The following MCU variants were observed in gnomAD, a reference collection of about 807,000 sequenced individuals.
MCU encodes mitochondrial calcium uniporter.
Under a neutral mutation model 45.2 loss-of-function variants are expected in MCU, and 12 were observed. The ratio of observed to expected loss-of-function variants is 0.27; its 90% CI spans 0.17 to 0.43. The LOEUF is 0.43. MCU is among the 20% of genes least tolerant of loss of function. The pLI, the probability that MCU is intolerant of heterozygous loss-of-function variation, is 1.00. For missense variants in MCU, 324 were observed against 436.7 expected, an observed-to-expected ratio of 0.74 and a Z score of 2.30; for synonymous variants, 160 against 165.1, an observed-to-expected ratio of 0.97 and a Z score of 0.24.
intron 1 of MCU, among the ~76,000 whole-genome samples, chr10:72,742,112 A>G (rs1256734686): frequency 6.6e-6 from 1 of 151,676 alleles, no homozygotes; most frequent in Non-Finnish European, 1.5e-5. Flanking sequence ...ATAGTATCGT[A>G]TACTGTACCT....
chr10:72,847,592 G>A (rs1201687579), intron 2 of MCU, among the ~76,000 whole-genome samples: 1 of 152,138 alleles, frequency 6.6e-6, no homozygotes, highest in Non-Finnish European at 1.5e-5. Flanking sequence ...TATCCTCCAT[G>A]TATAGGAGAT....
chr10:72,840,729 T>C (rs1845035511), intron 2 of MCU, among the ~76,000 whole-genome samples: 1 of 152,198 alleles, frequency 6.6e-6, no homozygotes, highest in South Asian at 2.1e-4. Flanking sequence ...CTCACCAACT[T>C]AAATACAAAG....
intron 1 of MCU, among the ~76,000 whole-genome samples, chr10:72,719,313 AT>A (rs1225294166): frequency 6.6e-6 from 1 of 152,182 alleles, no homozygotes; most frequent in Admixed American, 6.5e-5. Flanking sequence ...TCTTAGTCTT[AT>A]TTGTATTATA....
chr10:72,855,375 C>T (rs1400078524), intron 2 of MCU, among the ~76,000 whole-genome samples: 1 of 151,884 alleles, frequency 6.6e-6, no homozygotes, highest in Admixed American at 6.6e-5. Flanking sequence ...TCCAGGAGTT[C>T]AAGGTCAGCC....
intron 1 of MCU, among the ~76,000 whole-genome samples, chr10:72,764,020 T>A (rs928266690): frequency 2.0e-5 from 3 of 152,216 alleles, no homozygotes; most frequent in Admixed American, 6.5e-5. Flanking sequence ...CCATTTACCA[T>A]CAGTAAATAA....
At chr10:72,834,101 T>C (rs1844919135) in intron 1 of MCU, among the ~76,000 whole-genome samples, 2 of 152,378 alleles carry the variant, frequency 1.3e-5, no homozygotes, top group African/African-American at 4.8e-5. Context: ...TTTTGTTTAA[T>C]GTAACATGTA....
At chr10:72,773,846 A>G (rs1843849417) in intron 1 of MCU, among the ~76,000 whole-genome samples, 1 of 152,214 alleles carries the variant, frequency 6.6e-6, no homozygotes, top group Admixed American at 6.5e-5. Flanking sequence ...CTCAAGGAAA[A>G]AACTGCCACC....
intron 1 of MCU, among the ~76,000 whole-genome samples, chr10:72,727,364 A>T (rs1436335752): frequency 1.3e-5 from 2 of 152,198 alleles, no homozygotes; most frequent in Non-Finnish European, 2.9e-5. Context: ...CTCATCTTGC[A>T]TGTCTGATAA....
chr10:72,726,847 A>T (rs1259166035), intron 1 of MCU, among the ~76,000 whole-genome samples: 1 of 152,154 alleles, frequency 6.6e-6, no homozygotes, highest in African/African-American at 2.4e-5. Flanking sequence ...GTTGTTAGTT[A>T]TAGGATTTTT....
intron 1 of MCU, among the ~76,000 whole-genome samples, chr10:72,733,454 C>T (rs1203614491): frequency 6.6e-6 from 1 of 152,044 alleles, no homozygotes; most frequent in Non-Finnish European, 1.5e-5. Flanking sequence ...GAGAATCTGT[C>T]TCAAAAACAA....
chr10:72,872,937 G>A (rs755522018), intron 6 of MCU, among the ~76,000 whole-genome samples: 20 of 148,452 alleles, frequency 1.3e-4, no homozygotes, highest in Admixed American at 1.3e-3. Context: ...TTTTATTATA[G>A]CCATTTTAAC....
Position 72,702,044 on chromosome 10 carries a change from A to G in MCU, c.150+9743A>G, listed in dbSNP as rs1842764943. ...CACCTGAGGTCAGGAGTTCAGGACC[A>G]GCCTGACCAACATAGTGAAACCCCA... On this transcript the variant is annotated intron_variant, in intron 1 of 7. Transcript: ENST00000373053. 2.6e-5 allele frequency among the ~76,000 whole-genome samples: 4 copies of G among 151,876 alleles called. No individual in the cohort carries two copies. The South Asian group carries it at 8.3e-4, about 32-fold the overall frequency.
chr10:72,762,927 A>C (rs1036848802), intron 1 of MCU, among the ~76,000 whole-genome samples: 1 of 152,116 alleles, frequency 6.6e-6, no homozygotes, highest in Non-Finnish European at 1.5e-5. Flanking sequence ...ACGTGTCTTC[A>C]GGGATGTGTT....
intron 1 of MCU, among the ~76,000 whole-genome samples, chr10:72,696,500 G>C (rs920795923): frequency 2.5e-4 from 38 of 152,076 alleles, no homozygotes; most frequent in African/African-American, 9.2e-4. Flanking sequence ...ATCTTGATTT[G>C]TGTAATTCCT....
intron 6 of MCU, among the ~76,000 whole-genome samples, chr10:72,878,111 C>CTTTTTTTTTTTTTTTT (rs10715401): frequency 2.6e-5 from 2 of 77,950 alleles, no homozygotes; most frequent in Non-Finnish European, 4.6e-5. Flanking sequence ...AATAATTTTG[C>CTTTTTTTTTTTTTTTT]TTTTTTTTTT....
intron 1 of MCU, among the ~76,000 whole-genome samples, chr10:72,729,952 CTTTTTTTTT>C (rs58668483): frequency 3.3e-5 from 3 of 90,530 alleles, no homozygotes; most frequent in African/African-American, 7.7e-5. Context: ...CTTCAGCATT[CTTTTTTTTT>C]TTTTTTTTTT....
rs1378183257 is a variant in MCU, at chr10:72,871,595, C to T, written c.861+15C>T. On this transcript the variant is annotated intron_variant, in intron 6 of 7. Transcript: ENST00000373053. ...TGACACGCCAGGTAAGAATTCTCTT[C>T]AAGTAACTTTTTATGAGATAGTAAT... 1.2e-6 allele frequency: 2 copies of T among 1,602,448 alleles called. No individual in the cohort carries two copies. The highest frequency in any genetic ancestry group is 8.6e-7 in the Non-Finnish European group (1 of 1,169,446).
intron 1 of MCU, among the ~76,000 whole-genome samples, chr10:72,710,265 A>G (rs1053181716): frequency 6.6e-6 from 1 of 152,158 alleles, no homozygotes; most frequent in Non-Finnish European, 1.5e-5. Context: ...TGTGAGCTAT[A>G]GCGCCTGGTT....
chr10:72,793,215 G>C (rs1055116065), intron 1 of MCU, among the ~76,000 whole-genome samples: 1 of 152,098 alleles, frequency 6.6e-6, no homozygotes, highest in Non-Finnish European at 1.5e-5. Context: ...CCACAATATA[G>C]CTAGGTACCT....
Sources: gnomAD v4.1 joint callset for allele counts (sites outside exome capture counted in the v4.1 genomes callset) on GRCh38, gnomAD v4.1.1 for gene constraint, MANE v1.5 for transcripts, NCBI Gene and HGNC (gene_info 2026-07-23, HGNC 2026-07-21) for gene names.